The following RBPJ variants were observed in gnomAD, a reference collection of about 807,000 sequenced individuals.
RBPJ encodes the protein recombination signal binding protein for immunoglobulin kappa J region.
RBPJ carries 9 observed loss-of-function variants against 67.8 expected under a neutral mutation model. That is an observed-to-expected ratio of 0.13 (90% confidence interval 0.08 to 0.23). RBPJ has a LOEUF of 0.23. RBPJ is among the 10% of genes least tolerant of loss of function. The pLI, the probability that RBPJ is intolerant of heterozygous loss-of-function variation, is 1.00. For missense variants in RBPJ, 305 were observed against 595.6 expected (o/e 0.51, Z 5.08); for synonymous variants, 198 against 203.3 (o/e 0.97, Z 0.22).
intron 1 of RBPJ, among the ~76,000 whole-genome samples, chr4:26,326,598 A>G (rs1723650492): frequency 6.6e-6 from 1 of 152,176 alleles, no homozygotes; most frequent in Non-Finnish European, 1.5e-5. Context: ...ACTGACAGAT[A>G]ATTTCTTTAA....
intron 1 of RBPJ, among the ~76,000 whole-genome samples, chr4:26,171,510 A>G (rs1011488388): frequency 6.6e-6 from 1 of 152,214 alleles, no homozygotes; most frequent in African/African-American, 2.4e-5. Flanking sequence ...TAGAGGCTGC[A>G]GTGAGCCGTG....
At position 26,200,377 on chromosome 4, in the gene RBPJ, A is replaced by G. The variant is rs148807950; in HGVS notation, c.-167+36763A>G. Reference sequence around the variant, plus strand: ...GGTGGCAGAGCCCAGATTTAAACCCAAGCAATCATGGCCAGATACGGTGGC... The same window carrying G: ...GGTGGCAGAGCCCAGATTTAAACCCGAGCAATCATGGCCAGATACGGTGGC... On this transcript the variant is annotated intron_variant, in intron 1 of 4. Coordinates refer to the RBPJ transcript ENST00000512351. Among the ~76,000 whole-genome samples the G allele has an allele frequency of 1.2e-3, 177 of 152,296 alleles. 1 individual carries two copies. In the East Asian group the frequency reaches 0.032, roughly 27 times the overall value.
intron 1 of RBPJ, among the ~76,000 whole-genome samples, chr4:26,222,339 C>T (rs1560217593): frequency 6.6e-6 from 1 of 151,712 alleles, no homozygotes. Flanking sequence ...ACTAAAAATA[C>T]AAAAAATTAG....
At chr4:26,113,134 T>C in the RBPJ span, 1 of 216,942 alleles carries the variant, frequency 4.6e-6, no homozygotes, top group Non-Finnish European at 9.7e-6. Flanking sequence ...TCAGGGAGCT[T>C]ACACAAGAAA....
At chr4:26,312,684 A>G (rs1416550772) in intron 1 of RBPJ, among the ~76,000 whole-genome samples, 1 of 152,138 alleles carries the variant, frequency 6.6e-6, no homozygotes, top group Non-Finnish European at 1.5e-5. Context: ...TGTACCCCCA[A>G]GCTGTTAAAC....
chr4:26,338,420 C>A (rs1725130128), intron 1 of RBPJ, among the ~76,000 whole-genome samples: 1 of 151,962 alleles, frequency 6.6e-6, no homozygotes, highest in South Asian at 2.1e-4. Context: ...TCCCAAAGTG[C>A]TGGGATTACG....
chr4:26,139,137 A>G, the RBPJ span, among the ~76,000 whole-genome samples: 1 of 118,144 alleles, frequency 8.5e-6, no homozygotes, highest in African/African-American at 3.3e-5. Flanking sequence ...GCTCACAGGC[A>G]CACGGCCACA....
At chr4:26,319,903 C>T, upstream of RBPJ, 4 of 1,565,236 alleles carry the variant, frequency 2.6e-6, no homozygotes, top group South Asian at 1.1e-5. Flanking sequence ...GAGGAGGGGG[C>T]GGGATTCGGG....
At chr4:26,117,363 A>G in the RBPJ span, among the ~76,000 whole-genome samples, 3 of 152,116 alleles carry the variant, frequency 2.0e-5, no homozygotes, top group Non-Finnish European at 4.4e-5. Context: ...TGGGACCCCA[A>G]GTTCTAACAA....
intron 1 of RBPJ, among the ~76,000 whole-genome samples, chr4:26,174,642 A>C (rs1716731352): frequency 6.6e-6 from 1 of 151,876 alleles, no homozygotes; most frequent in African/African-American, 2.4e-5. Flanking sequence ...ACTAATTTTT[A>C]TACTTTTAGT....
intron 1 of RBPJ, among the ~76,000 whole-genome samples, chr4:26,302,144 G>C (rs1384829477): frequency 1.3e-5 from 2 of 152,136 alleles, no homozygotes; most frequent in Non-Finnish European, 2.9e-5. Context: ...CAGATTGTTA[G>C]AAGAGTATAA....
chr4:26,115,040 T>TG, the RBPJ span, among the ~76,000 whole-genome samples: 21 of 152,356 alleles, frequency 1.4e-4, no homozygotes, highest in South Asian at 4.4e-3. Flanking sequence ...CTACTGCTAC[T>TG]GCACGTCTCT....
intron 1 of RBPJ, among the ~76,000 whole-genome samples, chr4:26,299,884 A>T (rs1722020326): frequency 1.3e-5 from 2 of 151,398 alleles, no homozygotes; most frequent in South Asian, 2.1e-4. Context: ...AGAGACGGAG[A>T]TTCACCATGT....
rs1377163080 is a variant in RBPJ, at chr4:26,210,682, CTTTCCTTT to C, written c.-167+47069_-167+47076del. On this transcript the variant is annotated intron_variant, in intron 1 of 4. Transcript: ENST00000512351. ...TTCTTTTTTCTTTCTTTCTTTCTTT[CTTTCCTTT>C]CTTTCTTTCTTTCTTTCCTTCTTTC... Among the ~76,000 whole-genome samples the C allele has an allele frequency of 5.4e-5, 2 of 37,176 alleles. 1 individual carries two copies. Among genetic ancestry groups the C allele is most frequent in the African/African-American group, 2.6e-4 (2 of 7,774 alleles). 24.4% of individuals were successfully genotyped at this position (37,176 alleles called of 152,430 possible).
chr4:26,325,888 G>A (rs1296837936), intron 1 of RBPJ, among the ~76,000 whole-genome samples: 1 of 152,152 alleles, frequency 6.6e-6, no homozygotes, highest in Non-Finnish European at 1.5e-5. Flanking sequence ...TACAGTTGGT[G>A]CCTGGCTGTA....
intron 3 of RBPJ, among the ~76,000 whole-genome samples, chr4:26,408,499 A>C (rs778631523): frequency 6.6e-6 from 1 of 152,144 alleles, no homozygotes. Context: ...TAAGCAAAAC[A>C]GAAAAAGTTA....
chr4:26,368,685 G>T (rs1311494242), intron 1 of RBPJ, among the ~76,000 whole-genome samples: 1 of 152,026 alleles, frequency 6.6e-6, no homozygotes, highest in Non-Finnish European at 1.5e-5. Context: ...GGTGGTGAGG[G>T]GATTAAAAAT....
chr4:26,158,950 TC>T (rs201986369), upstream of RBPJ, among the ~76,000 whole-genome samples: 659 of 64,172 alleles, frequency 0.01, 28 homozygotes, highest in East Asian at 0.22. Context: ...TCTCTTTCTC[TC>T]TCTCTCTCTC....
intron 1 of RBPJ, among the ~76,000 whole-genome samples, chr4:26,211,874 C>T (rs899843617): frequency 6.6e-6 from 1 of 151,988 alleles, no homozygotes; most frequent in African/African-American, 2.4e-5. Context: ...TACAGTAGAC[C>T]ATCCAATATG....
Sources: allele counts gnomAD v4.1 joint callset (sites outside exome capture counted in the v4.1 genomes callset), GRCh38; gene constraint gnomAD v4.1.1; transcripts MANE v1.5; gene names NCBI Gene and HGNC (gene_info 2026-07-23, HGNC 2026-07-21).